Variants in DCAF12 observed in about 807,000 individuals in gnomAD.
DCAF12 encodes DDB1- and CUL4-associated factor 12.
DCAF12 carries 28 observed loss-of-function variants against 52.8 expected under a neutral mutation model. The ratio of observed to expected loss-of-function variants is 0.53; its 90% CI spans 0.39 to 0.73. The LOEUF is 0.73. Ranked by LOEUF, DCAF12 falls within the 30% of genes least tolerant of loss-of-function variation. DCAF12 has a pLI of 0.00. For synonymous variants in DCAF12, 196 were observed against 215.5 expected (o/e 0.91, Z 0.79); for missense variants, 425 against 552.2 (o/e 0.77, Z 2.31).
rs1007561931 is a variant in DCAF12 at position 34,126,652 on chromosome 9, G to C, written c.-221C>G. On this transcript the variant is annotated 5_prime_UTR_variant, in exon 1 of 9. Coordinates refer to ENST00000361264, the MANE Select transcript of DCAF12 (RefSeq NM_015397.4). ...GAAAGGGAAGGGGAAGCGAGAATGA[G>C]CGGCTTTCCGACGGCAGAGCCTGCA... 8.5e-6 allele frequency: 5 copies of C among 584,842 alleles called. No individual in the cohort carries two copies. Among genetic ancestry groups the C allele is most frequent in the Admixed American group, 3.3e-5 (1 of 30,052 alleles). 36.2% of individuals were successfully genotyped at this position (584,842 alleles called of 1,614,324 possible). A position where few individuals can be genotyped will look rare whatever the true frequency, so the allele number is the denominator to read the frequency against.
chr9:34,118,660 T>C (rs1215628325), intron 2 of DCAF12, among the ~76,000 whole-genome samples: 2 of 152,030 alleles, frequency 1.3e-5, no homozygotes, highest in South Asian at 2.1e-4. Context: ...CTCTTAACAA[T>C]AGTGTTAAAT....
In DCAF12 at chr9:34,107,518, A is replaced by G. The variant is rs768907235; in HGVS notation, c.381T>C (p.Ile127=). ...CACCTCCAGGCTCCCGGTCTTTCAG[A>G]ATGGGGATCTTGGTGATCTGGCTTG... The part of the protein sequence containing the change: ...VQTSQITKIP[I]LKDREPGGVT... Residue 127 remains isoleucine, a synonymous_variant, in exon 3 of 9, where the codon ATT becomes ATC. Coordinates refer to ENST00000361264, the MANE Select transcript of DCAF12 (RefSeq NM_015397.4). 6.2e-7 allele frequency: 1 copy of G among 1,614,152 alleles called. No individual in the cohort carries two copies. Among genetic ancestry groups the G allele is most frequent in the Non-Finnish European group, 8.5e-7 (1 of 1,180,034 alleles).
At chr9:34,110,510 A>C (rs1367119233) in intron 2 of DCAF12, among the ~76,000 whole-genome samples, 1 of 152,152 alleles carries the variant, frequency 6.6e-6, no homozygotes, top group Non-Finnish European at 1.5e-5. Context: ...AACTTCCTAA[A>C]AATGGAAATC....
At chr9:34,103,673 G>A (rs1248314243) in intron 4 of DCAF12, among the ~76,000 whole-genome samples, 1 of 152,042 alleles carries the variant, frequency 6.6e-6, no homozygotes, top group Non-Finnish European at 1.5e-5. Context: ...GGGCAACAAA[G>A]CGAGACCCAG....
At chr9:34,089,650 T>C in intron 7 of DCAF12, 60 bp from the exon 8 acceptor site, 1 of 1,495,162 alleles carries the variant, frequency 6.7e-7, no homozygotes, top group African/African-American at 1.4e-5. Context: ...GACTGTCTGC[T>C]AGCCTGAATT....
intron 7 of DCAF12, 134 bp downstream of exon 7, chr9:34,093,152 G>A (rs1322928403): frequency 3.8e-5 from 45 of 1,173,238 alleles, no homozygotes; most frequent in Non-Finnish European, 4.9e-5. Flanking sequence ...CCTAGCCATC[G>A]CTCCCCTTTT....
intron 1 of DCAF12, 56 bp from the exon 2 acceptor site, chr9:34,125,333 C>CTACT: frequency 6.3e-7 from 1 of 1,584,900 alleles, no homozygotes; most frequent in Non-Finnish European, 8.6e-7. Flanking sequence ...AGAACAGATC[C>CTACT]TACTGTATTA....
In DCAF12 at chr9:34,089,448, C is replaced by T. The variant is rs778268796; in HGVS notation, c.1167G>A (p.Gly389=). 18 of 1,613,846 alleles carry T rather than the reference C, an allele frequency of 1.1e-5. No homozygotes were observed. In the African/African-American group the frequency reaches 1.2e-4, roughly 11 times the overall value. Residue 389 remains glycine (G), a synonymous_variant, in exon 8 of 9, where the codon GGG becomes GGA. Transcript: ENST00000361264. ...ACYGSKPRLA[G]ENLKLTTGKG... ...TGCCAGTGGTTAGTTTCAGATTCTC[C>T]CCTGCTAGTCTGGGCTTGGACCCAT...
intron 7 of DCAF12, among the ~76,000 whole-genome samples, 186 bp downstream of exon 7, chr9:34,093,100 C>T (rs987064831): frequency 1.4e-4 from 22 of 152,240 alleles, no homozygotes; most frequent in African/African-American, 4.8e-4. Context: ...CCACCCGCCT[C>T]GGCCTCCCAA....
intron 4 of DCAF12, among the ~76,000 whole-genome samples, chr9:34,101,262 G>C (rs10814069): frequency 6.6e-6 from 1 of 151,658 alleles, no homozygotes; most frequent in East Asian, 1.9e-4. Context: ...TTTTTTTGTA[G>C]AAATGGGGTC....
At chr9:34,115,730 T>C (rs180742885) in intron 2 of DCAF12, among the ~76,000 whole-genome samples, 60 of 152,126 alleles carry the variant, frequency 3.9e-4, no homozygotes, top group Admixed American at 2.1e-3. Context: ...GGTGAACAGT[T>C]TGAACTACTG....
chr9:34,092,031 C>T (rs1174614546), intron 7 of DCAF12, among the ~76,000 whole-genome samples: 1 of 152,064 alleles, frequency 6.6e-6, no homozygotes, highest in Non-Finnish European at 1.5e-5. Context: ...TCAAAGTACA[C>T]TAAAATAAGT....
At chr9:34,095,231 C>A (rs1441745129) in intron 6 of DCAF12, among the ~76,000 whole-genome samples, 1 of 151,746 alleles carries the variant, frequency 6.6e-6, no homozygotes, top group Non-Finnish European at 1.5e-5. Context: ...CCCACCACCA[C>A]GCCCAGCTAA....
Position 34,126,514 on chromosome 9 carries a change from C to A in DCAF12, c.-83G>T. The A allele has an allele frequency of 1.4e-6, 2 of 1,472,276 alleles. No homozygotes were observed. The highest frequency in any genetic ancestry group is 4.9e-5 in the East Asian group (2 of 40,632). 91.2% of individuals were successfully genotyped at this position (1,472,276 alleles called of 1,614,324 possible). A position where few individuals can be genotyped will look rare whatever the true frequency, so the allele number is the denominator to read the frequency against. ...CAGGACGGCGGGTCATATACTGGGC[C>A]CCGGGGCCGCGCACCTTAGTGCGCC... On this transcript the variant is annotated 5_prime_UTR_variant, in exon 1 of 9. Coordinates refer to ENST00000361264, the MANE Select transcript of DCAF12 (RefSeq NM_015397.4).
Position 34,113,770 on chromosome 9 carries a change from T to C in DCAF12, c.334-6205A>G, listed in dbSNP as rs533977850. Among the ~76,000 whole-genome samples the C allele has an allele frequency of 2.0e-4, 30 of 152,342 alleles. 1 individual carries two copies. The South Asian group carries it at 6.0e-3, about 30-fold the overall frequency. ...GCAGCATTATTCACAATAGCCAAGA[T>C]ACGGAATCAGCCGAAGTGTGCATCA... is the stretch of plus-strand genomic sequence containing the variant. On this transcript the variant is annotated intron_variant, in intron 2 of 8. Coordinates refer to ENST00000361264, the MANE Select transcript of DCAF12 (RefSeq NM_015397.4).
At position 34,093,189 on chromosome 9, in the gene DCAF12, A is replaced by G; in HGVS notation, c.1024+97T>C. 9.6e-6 allele frequency: 14 copies of G among 1,455,008 alleles called. No homozygotes were observed. The South Asian group carries it at 1.7e-4, about 18-fold the overall frequency. The allele number at this position is 1,455,008 out of a possible 1,614,324, so 90.1% of individuals were successfully genotyped here. On this transcript the variant is annotated intron_variant, in intron 7 of 8. Coordinates refer to ENST00000361264, the MANE Select transcript of DCAF12 (RefSeq NM_015397.4). ...GAACACACTTCCAAATGTTCCATAC[A>G]GAGCACTATACCTGTTTGGAAACCA...
chr9:34,106,627 TG>T, intron 3 of DCAF12, 133 bp from the exon 4 acceptor site: 3 of 677,362 alleles, frequency 4.4e-6, no homozygotes, highest in Non-Finnish European at 7.5e-6. Flanking sequence ...CTCTGATCTC[TG>T]GTGGTCTCAA....
chr9:34,103,003 T>C lies in DCAF12; in HGVS notation c.601+3431A>G, dbSNP rs539724909. Among the ~76,000 whole-genome samples, 6 of 141,366 alleles carry C rather than the reference T, an allele frequency of 4.2e-5. No individual in the cohort carries two copies. The East Asian group carries it at 6.4e-4, about 15-fold the overall frequency. The allele number at this position is 141,366 out of a possible 152,430, so 92.7% of individuals were successfully genotyped here. A position where few individuals can be genotyped will look rare whatever the true frequency, so the allele number is the denominator to read the frequency against. On this transcript the variant is annotated intron_variant, in intron 4 of 8. Transcript: ENST00000361264. ...GGGGTGGGGTGCTGAGACAGGAGGA[T>C]TGTTTGAGACTGGGAGGTCAAGGCT...
At chr9:34,108,129 T>C (rs1345301680) in intron 2 of DCAF12, among the ~76,000 whole-genome samples, 1 of 152,238 alleles carries the variant, frequency 6.6e-6, no homozygotes, top group African/African-American at 2.4e-5. Context: ...CTCTTGCTGC[T>C]ACCTCTGCCT....
Sources: gnomAD v4.1 joint callset for allele counts (sites outside exome capture counted in the v4.1 genomes callset) on GRCh38, gnomAD v4.1.1 for gene constraint, MANE v1.5 for transcripts, NCBI Gene and HGNC (gene_info 2026-07-23, HGNC 2026-07-21) for gene names.